The following ULK4 variants were observed in gnomAD, a reference collection of about 807,000 sequenced individuals.
ULK4 encodes the protein unc-51 like kinase 4.
ULK4 carries 133 observed loss-of-function variants against 160.6 expected under a neutral mutation model. That is an observed-to-expected ratio of 0.83 (90% CI 0.72 to 0.96). The LOEUF is 0.96. ULK4 is among the 40% of genes least tolerant of loss of function. The pLI is 0.00. For missense variants in ULK4, 1,580 were observed against 1,499.5 expected, an observed-to-expected ratio of 1.05 and a Z score of -0.89; for synonymous variants, 534 against 539.8, an observed-to-expected ratio of 0.99 and a Z score of 0.15.
At chr3:41,854,632 T>G (rs1024418166) in intron 17 of ULK4, among the ~76,000 whole-genome samples, 1 of 151,964 alleles carries the variant, frequency 6.6e-6, no homozygotes, top group African/African-American at 2.4e-5. Context: ...CTAACTCAAG[T>G]CCCATAAAGA....
At chr3:41,911,757 C>T (rs1044117818) in intron 9 of ULK4, 98 bp from the exon 10 acceptor site, 2 of 899,222 alleles carry the variant, frequency 2.2e-6, no homozygotes, top group Middle Eastern at 2.2e-4. Context: ...TTAAATTACA[C>T]ATGACATTTA....
At chr3:41,673,866 A>C (rs1036348656) in intron 29 of ULK4, among the ~76,000 whole-genome samples, 4 of 152,020 alleles carry the variant, frequency 2.6e-5, no homozygotes, top group Non-Finnish European at 2.9e-5. Context: ...TATAGTACTC[A>C]CAATTAGCTG....
In ULK4 at chr3:41,261,195, T is replaced by C. The variant is rs200313692; in HGVS notation, c.3679-11621A>G. ...TATAGGATTAAATAAGTAAAAAGCCTTGGAGTAAAACGGCTTGGGATTTGC... is the reference window on the plus strand; with the variant it reads ...TATAGGATTAAATAAGTAAAAAGCCCTGGAGTAAAACGGCTTGGGATTTGC... On this transcript the variant is annotated intron_variant, in intron 35 of 36. Transcript: ENST00000301831. Among the ~76,000 whole-genome samples the C allele has an allele frequency of 6.0e-4, 83 of 137,526 alleles. 1 individual carries two copies. The East Asian group carries it at 0.016, about 27-fold the overall frequency. 90.2% of individuals were successfully genotyped at this position (137,526 alleles called of 152,430 possible). A position where few individuals can be genotyped will look rare whatever the true frequency, so the allele number is the denominator to read the frequency against.
In ULK4 at chr3:41,431,042, C is replaced by T. The variant is rs542586868; in HGVS notation, c.3492+24455G>A. On this transcript the variant is annotated intron_variant, in intron 34 of 36. Coordinates refer to ENST00000301831, the MANE Select transcript of ULK4 (RefSeq NM_017886.4). ...ATAGTAGTCTTTCACTACACGTTAT[C>T]GTACTACTGAGTAATAAAGACAACA... Among the ~76,000 whole-genome samples the T allele has an allele frequency of 2.2e-4, 33 of 152,280 alleles. No homozygotes were observed. In the South Asian group the frequency reaches 6.2e-3, roughly 29 times the overall value.
At chr3:41,508,587 C>A (rs560035920) in intron 32 of ULK4, among the ~76,000 whole-genome samples, 3 of 152,174 alleles carry the variant, frequency 2.0e-5, no homozygotes, top group Non-Finnish European at 4.4e-5. Flanking sequence ...CCTGCTACCT[C>A]CACCAGAGGA....
chr3:41,738,930 T>C (rs772537010), intron 22 of ULK4, among the ~76,000 whole-genome samples: 1 of 151,890 alleles, frequency 6.6e-6, no homozygotes, highest in Non-Finnish European at 1.5e-5. Flanking sequence ...CTAGTACTAC[T>C]TGAACCCCTA....
intron 17 of ULK4, among the ~76,000 whole-genome samples, chr3:41,836,719 A>T (rs1200319723): frequency 6.6e-5 from 10 of 152,200 alleles, no homozygotes; most frequent in Non-Finnish European, 1.3e-4. Flanking sequence ...TCCTTAAAAA[A>T]TCAGAGCCTG....
At chr3:41,930,663 T>C (rs867592245) in intron 5 of ULK4, among the ~76,000 whole-genome samples, 5 of 151,760 alleles carry the variant, frequency 3.3e-5, no homozygotes, top group Admixed American at 6.6e-5. Context: ...AACAACCCCA[T>C]CAAAAAGTGG....
intron 31 of ULK4, among the ~76,000 whole-genome samples, chr3:41,609,027 T>C (rs2032526274): frequency 6.6e-6 from 1 of 152,210 alleles, no homozygotes; most frequent in Non-Finnish European, 1.5e-5. Context: ...AGAGCAGAAC[T>C]AGTAACAAGA....
At chr3:41,770,588 C>T (rs1418160104) in intron 21 of ULK4, among the ~76,000 whole-genome samples, 3 of 150,552 alleles carry the variant, frequency 2.0e-5, no homozygotes, top group Non-Finnish European at 4.4e-5. Context: ...TGGCTCACTG[C>T]AACCTCCAGT....
At chr3:41,438,382 G>A (rs1293806075) in intron 34 of ULK4, among the ~76,000 whole-genome samples, 2 of 152,026 alleles carry the variant, frequency 1.3e-5, no homozygotes, top group African/African-American at 2.4e-5. Flanking sequence ...AATGTGCCAG[G>A]GGTAAAGCTG....
At chr3:41,563,917 C>T (rs984079827) in intron 32 of ULK4, among the ~76,000 whole-genome samples, 4 of 152,114 alleles carry the variant, frequency 2.6e-5, no homozygotes, top group Non-Finnish European at 2.9e-5. Context: ...AGAGGAGTTG[C>T]GATCCTTTGG....
intron 29 of ULK4, among the ~76,000 whole-genome samples, chr3:41,673,033 T>C (rs540779777): frequency 6.6e-6 from 1 of 151,904 alleles, no homozygotes; most frequent in Non-Finnish European, 1.5e-5. Flanking sequence ...AGAGACAGAG[T>C]CTCACCATGT....
intron 16 of ULK4, among the ~76,000 whole-genome samples, chr3:41,889,433 A>C (rs769049323): frequency 6.6e-6 from 1 of 152,234 alleles, no homozygotes; most frequent in Non-Finnish European, 1.5e-5. Flanking sequence ...AGTGGGGATA[A>C]ATACCAAGCT....
At chr3:41,463,412 G>T (rs1408524490) in intron 32 of ULK4, among the ~76,000 whole-genome samples, 159 bp from the exon 33 acceptor site, 1 of 152,184 alleles carries the variant, frequency 6.6e-6, no homozygotes, top group Non-Finnish European at 1.5e-5. Flanking sequence ...TGTTTAAAAT[G>T]CAGGTTTCCA....
intron 35 of ULK4, among the ~76,000 whole-genome samples, chr3:41,332,632 A>G (rs1203081419): frequency 1.3e-5 from 2 of 152,226 alleles, no homozygotes; most frequent in African/African-American, 4.8e-5. Flanking sequence ...AAATTTAAAG[A>G]ATCTTATATT....
intron 11 of ULK4, among the ~76,000 whole-genome samples, chr3:41,909,525 A>C (rs1698699401): frequency 6.7e-6 from 1 of 149,832 alleles, no homozygotes; most frequent in Non-Finnish European, 1.5e-5. Flanking sequence ...CAGCTGGGCA[A>C]CTCGGAGAAA....
At chr3:41,894,037 T>C (rs551622264) in intron 16 of ULK4, among the ~76,000 whole-genome samples, 14 of 152,242 alleles carry the variant, frequency 9.2e-5, no homozygotes, top group African/African-American at 3.1e-4. Flanking sequence ...TGTTTTACAA[T>C]CAAACTTCAA....
At chr3:41,666,663 C>G (rs145172734) in intron 29 of ULK4, among the ~76,000 whole-genome samples, 1 of 152,114 alleles carries the variant, frequency 6.6e-6, no homozygotes, top group Non-Finnish European at 1.5e-5. Flanking sequence ...TACAGAAGGA[C>G]GGACCCACAA....
Sources: gnomAD v4.1 joint callset for allele counts (sites outside exome capture counted in the v4.1 genomes callset) on GRCh38, gnomAD v4.1.1 for gene constraint, MANE v1.5 for transcripts, NCBI Gene and HGNC (gene_info 2026-07-23, HGNC 2026-07-21) for gene names.